The following TFAP2D variants were observed in gnomAD, a reference collection of about 807,000 sequenced individuals.
The protein encoded by TFAP2D is transcription factor AP-2 delta, also known as transcription factor AP-2-delta.
TFAP2D carries 9 observed loss-of-function variants against 43.6 expected under a neutral mutation model. That is an observed-to-expected ratio of 0.21 (90% CI 0.12 to 0.36). The LOEUF (loss-of-function observed/expected upper bound fraction) is 0.36, where lower values mean the gene tolerates loss of function less well. Among genes scored for constraint, TFAP2D ranks in the 10% least tolerant of loss-of-function variants. TFAP2D has a pLI of 1.00. For missense variants in TFAP2D, 513 were observed against 561.4 expected (o/e 0.91, Z 0.87); for synonymous variants, 256 against 224.9 (o/e 1.14, Z -1.24).
chr6:50,733,068 C>T (rs572576695), intron 5 of TFAP2D, among the ~76,000 whole-genome samples: 3 of 152,066 alleles, frequency 2.0e-5, no homozygotes, highest in African/African-American at 7.2e-5. Context: ...TACCTACGAA[C>T]TAATAGGATG....
chr6:50,745,156 G>T lies in TFAP2D; in HGVS notation c.933G>T (p.Glu311Asp). ...ATTTTGGCTACACTTGTGAAACAGA[G>T]TTTCCAGCCAAAGCAGTAGGAGAAC... ...ARDFGYTCET[E>D]FPAKAVGEHL... Residue 311 changes from glutamate to aspartate, a missense_variant, in exon 6 of 8, where the codon GAG becomes GAT. By Grantham distance (45) the Glu-to-Asp change is conservative. Coordinates refer to ENST00000008391, the MANE Select transcript of TFAP2D (RefSeq NM_172238.4). The T allele has an allele frequency of 6.2e-7, 1 of 1,613,754 alleles. No homozygotes were observed.
intron 7 of TFAP2D, among the ~76,000 whole-genome samples, chr6:50,761,079 T>A (rs765709178): frequency 2.6e-5 from 4 of 151,560 alleles, no homozygotes; most frequent in Non-Finnish European, 5.9e-5. Flanking sequence ...TTTGCATCCT[T>A]CCCAGAGGGC....
chr6:50,724,936 A>T (rs1768787066), intron 3 of TFAP2D, among the ~76,000 whole-genome samples: 1 of 151,488 alleles, frequency 6.6e-6, no homozygotes, highest in Non-Finnish European at 1.5e-5. Context: ...CAAGGTGGGG[A>T]GATAAGTAGA....
At chr6:50,739,984 T>C (rs1769015090) in intron 5 of TFAP2D, among the ~76,000 whole-genome samples, 1 of 152,210 alleles carries the variant, frequency 6.6e-6, no homozygotes, top group South Asian at 2.1e-4. Context: ...AATGCATTCC[T>C]TTCCGAAGAG....
rs553224099 is a variant in TFAP2D, at chr6:50,731,043, C to T, written c.883+1731C>T. ...AATTCTTACTGATTTTTATGGTAGCCAAGAGCACTGGGATATCCTGCATGG... is the reference window on the plus strand; with the variant it reads ...AATTCTTACTGATTTTTATGGTAGCTAAGAGCACTGGGATATCCTGCATGG... On this transcript the variant is annotated intron_variant, in intron 5 of 7. Transcript: ENST00000008391. 2.1e-4 allele frequency among the ~76,000 whole-genome samples: 32 copies of T among 152,096 alleles called. No individual in the cohort carries two copies. In the South Asian group the frequency reaches 6.6e-3, roughly 32 times the overall value.
intron 5 of TFAP2D, among the ~76,000 whole-genome samples, chr6:50,742,321 G>T (rs1322763489): frequency 6.6e-6 from 1 of 151,920 alleles, no homozygotes; most frequent in African/African-American, 2.4e-5. Flanking sequence ...AGGGAAGGAA[G>T]GATCTGGCTG....
chr6:50,757,750 T>TTCTATATATATAGAATATATATAAA (rs1769306820), intron 7 of TFAP2D, among the ~76,000 whole-genome samples: 1 of 65,554 alleles, frequency 1.5e-5, no homozygotes, highest in African/African-American at 5.9e-5. Flanking sequence ...ATATATATAA[T>TTCTATATATATAGAATATATATAAA]TATTCTATAT....
At chr6:50,765,487 T>A (rs1345329272) in intron 7 of TFAP2D, among the ~76,000 whole-genome samples, 3 of 152,092 alleles carry the variant, frequency 2.0e-5, no homozygotes, top group African/African-American at 7.2e-5. Flanking sequence ...CCACCAACAG[T>A]GTGCAGGGTT....
intron 3 of TFAP2D, among the ~76,000 whole-genome samples, chr6:50,724,371 TG>T (rs1219252767): frequency 6.6e-6 from 1 of 152,158 alleles, no homozygotes; most frequent in African/African-American, 2.4e-5. Flanking sequence ...TGTAAACATC[TG>T]TTTGGCTGTA....
At chr6:50,741,185 T>C (rs1005370848) in intron 5 of TFAP2D, among the ~76,000 whole-genome samples, 8 of 152,134 alleles carry the variant, frequency 5.3e-5, no homozygotes, top group South Asian at 2.1e-4. Context: ...TTTTAGTAGG[T>C]GGGGTTACTA....
chr6:50,757,433 AG>A (rs1307665831), intron 7 of TFAP2D, among the ~76,000 whole-genome samples: 2 of 110,550 alleles, frequency 1.8e-5, no homozygotes, highest in Non-Finnish European at 3.6e-5. Context: ...GAATATATAT[AG>A]AATATATATA....
chr6:50,745,245 C>G lies in TFAP2D; in HGVS notation c.1022C>G (p.Thr341Ser). 1 of 1,613,240 alleles carries G rather than the reference C, an allele frequency of 6.2e-7. No individual in the cohort carries two copies. The highest frequency in any genetic ancestry group is 8.5e-7 in the Non-Finnish European group (1 of 1,179,556). ...QTARKKMILA[T>S]KQICKEFQDL... ...GCAAGAAAAAAGATGATCCTGGCGACCAAGTAAGCAGAATGGGGAAACCTC... is the reference window on the plus strand; with the variant it reads ...GCAAGAAAAAAGATGATCCTGGCGAGCAAGTAAGCAGAATGGGGAAACCTC... The change falls in exon 6 of 8, where the codon ACC becomes AGC. Residue 341 changes from threonine (T) to serine (S), a missense_variant. Transcript: ENST00000008391.
chr6:50,713,943 G>A lies in TFAP2D; in HGVS notation c.-113G>A. 6.8e-7 allele frequency: 1 copy of A among 1,474,242 alleles called. No homozygotes were observed. 91.3% of individuals were successfully genotyped at this position (1,474,242 alleles called of 1,614,324 possible). The stretch of plus-strand genomic sequence containing the variant: ...ATTACAATTTAGATATCTACCTATA[G>A]AACATTTTTTTTTTCCTTTAAAAAT... On this transcript the variant is annotated 5_prime_UTR_variant, in exon 1 of 8. Coordinates refer to ENST00000008391, the MANE Select transcript of TFAP2D (RefSeq NM_172238.4).
Position 50,715,619 on chromosome 6 carries a change from T to A in TFAP2D, c.537+6T>A, listed in dbSNP as rs777965021. The A allele has an allele frequency of 5.7e-6, 9 of 1,586,524 alleles. No individual in the cohort carries two copies. Among genetic ancestry groups the A allele is most frequent in the African/African-American group, 1.3e-5 (1 of 74,332 alleles). ...CGGGAGCAGACGACTTGCAGGTAAA[T>A]AAGCATGCAGCGAATTTGTCTGCTC... On this transcript the variant is annotated splice_donor_region_variant and intron_variant, in intron 2 of 7. Coordinates refer to ENST00000008391, the MANE Select transcript of TFAP2D (RefSeq NM_172238.4).
chr6:50,733,980 C>CTG (rs1768928537), intron 5 of TFAP2D, among the ~76,000 whole-genome samples: 1 of 146,104 alleles, frequency 6.8e-6, no homozygotes, highest in South Asian at 2.2e-4. Flanking sequence ...GTCTCTCTTT[C>CTG]TGTGTATGTG....
chr6:50,733,876 C>T (rs1012879968), intron 5 of TFAP2D, among the ~76,000 whole-genome samples: 7 of 152,158 alleles, frequency 4.6e-5, no homozygotes, highest in African/African-American at 1.7e-4. Flanking sequence ...TCAGCCAACA[C>T]TCAGGGTTCT....
intron 7 of TFAP2D, among the ~76,000 whole-genome samples, chr6:50,764,742 T>C (rs1769417906): frequency 2.0e-5 from 3 of 152,172 alleles, no homozygotes; most frequent in African/African-American, 7.2e-5. Context: ...TTGATAATAA[T>C]AGTTTTCCAT....
At chr6:50,751,349 C>A in intron 7 of TFAP2D, 25 bp downstream of exon 7, 1 of 1,514,058 alleles carries the variant, frequency 6.6e-7, no homozygotes, top group South Asian at 1.1e-5. Flanking sequence ...CCAGTTTGCT[C>A]AAATTCTTTA....
chr6:50,755,705 T>G (rs776637615), intron 7 of TFAP2D, among the ~76,000 whole-genome samples: 2 of 151,906 alleles, frequency 1.3e-5, no homozygotes, highest in Admixed American at 1.3e-4. Flanking sequence ...AACATTCTAC[T>G]GGGAGCCCGA....
Sources: gnomAD v4.1 joint callset for allele counts (sites outside exome capture counted in the v4.1 genomes callset) on GRCh38, gnomAD v4.1.1 for gene constraint, MANE v1.5 for transcripts, NCBI Gene and HGNC (gene_info 2026-07-23, HGNC 2026-07-21) for gene names.